The following COL11A1 variants were observed in gnomAD, a reference collection of about 807,000 sequenced individuals.
The protein encoded by COL11A1 is collagen alpha-1(XI) chain.
Under a neutral mutation model 265.2 loss-of-function variants are expected in COL11A1, and 74 were observed. That is an observed-to-expected ratio of 0.28 (90% CI 0.23 to 0.34). The LOEUF is 0.34. COL11A1 is among the 10% of genes least tolerant of loss of function. COL11A1 has a pLI of 1.00. For synonymous variants in COL11A1, 816 were observed against 727.6 expected (o/e 1.12, Z -1.96); for missense variants, 2,165 against 2,263.6 (o/e 0.96, Z 0.88).
At position 103,026,246 on chromosome 1, in the gene COL11A1, A is replaced by T; in HGVS notation, c.867T>A (p.Thr289=). 1 of 1,613,550 alleles carries T rather than the reference A, an allele frequency of 6.2e-7. No homozygotes were observed. Among genetic ancestry groups the T allele is most frequent in the South Asian group, 1.1e-5 (1 of 91,080 alleles). Residue 289 remains threonine, a synonymous_variant, in exon 6 of 67, where the codon ACT becomes ACA. Coordinates refer to ENST00000370096, the MANE Select transcript of COL11A1 (RefSeq NM_001854.4). ...TCTGTGCTATTGTCTCCTCAGTTAC[A>T]GTGGGTCCCTCTGTTACACTTTCAG... is the stretch of plus-strand genomic sequence containing the variant. ...KEAESVTEGP[T]VTEETIAQTE...
intron 41 of COL11A1, among the ~76,000 whole-genome samples, chr1:102,950,088 G>T (rs1659727655): frequency 6.6e-6 from 1 of 152,052 alleles, no homozygotes; most frequent in South Asian, 2.1e-4. Flanking sequence ...TTGAGGCCAG[G>T]AGTTCAAGAC....
chr1:102,990,098 T>C (rs1056455904), intron 28 of COL11A1, among the ~76,000 whole-genome samples: 2 of 152,040 alleles, frequency 1.3e-5, no homozygotes, highest in African/African-American at 2.4e-5. Context: ...GGTGGGAGGA[T>C]TGCTTAAGCC....
chr1:103,084,136 C>A (rs1672667097), intron 1 of COL11A1, among the ~76,000 whole-genome samples: 1 of 152,072 alleles, frequency 6.6e-6, no homozygotes, highest in Non-Finnish European at 1.5e-5. Flanking sequence ...TTTAAGTGTA[C>A]AATTCAGTAG....
At chr1:102,907,873 T>C (rs1370460364) in intron 54 of COL11A1, among the ~76,000 whole-genome samples, 2 of 152,046 alleles carry the variant, frequency 1.3e-5, no homozygotes, top group Non-Finnish European at 2.9e-5. Context: ...CATTATTCCT[T>C]GAGTCTTTTG....
intron 57 of COL11A1, among the ~76,000 whole-genome samples, chr1:102,893,548 C>T (rs559873262): frequency 1.2e-3 from 177 of 152,042 alleles, no homozygotes; most frequent in Middle Eastern, 3.4e-3. Context: ...TTTTCTCTTT[C>T]GGATATTGTA....
intron 5 of COL11A1, among the ~76,000 whole-genome samples, chr1:103,028,218 G>A (rs564944004): frequency 5.9e-5 from 9 of 152,138 alleles, no homozygotes; most frequent in African/African-American, 2.2e-4. Flanking sequence ...ATTTTTAGTA[G>A]AGAGAGGGTT....
intron 4 of COL11A1, among the ~76,000 whole-genome samples, chr1:103,049,249 T>G (rs1669578416): frequency 6.6e-6 from 1 of 152,194 alleles, no homozygotes; most frequent in Admixed American, 6.5e-5. Context: ...TCTTTGTAGG[T>G]CACTAAGGAC....
chr1:102,904,013 CA>C, intron 54 of COL11A1, among the ~76,000 whole-genome samples: 1 of 152,134 alleles, frequency 6.6e-6, no homozygotes, highest in African/African-American at 2.4e-5. Flanking sequence ...AGGCTCATGT[CA>C]TCATACCTGA....
chr1:103,004,778 T>A, intron 18 of COL11A1, 117 bp from the exon 19 acceptor site: 1 of 828,206 alleles, frequency 1.2e-6, no homozygotes, highest in Non-Finnish European at 1.9e-6. Context: ...AATATATGCT[T>A]TATTTACCCT....
intron 63 of COL11A1, among the ~76,000 whole-genome samples, chr1:102,885,802 A>C (rs1932332): frequency 6.6e-6 from 1 of 152,134 alleles, no homozygotes; most frequent in African/African-American, 2.4e-5. Flanking sequence ...TAAATCACTA[A>C]ACTAAATGTA....
intron 25 of COL11A1, 128 bp downstream of exon 25, chr1:102,998,182 T>A (rs755761483): frequency 3.8e-6 from 3 of 792,432 alleles, no homozygotes; most frequent in Admixed American, 2.0e-5. Flanking sequence ...TTTAGAGAGA[T>A]CAATGTTTAA....
chr1:102,968,598 G>C (rs938237866), intron 37 of COL11A1, among the ~76,000 whole-genome samples: 1 of 152,154 alleles, frequency 6.6e-6, no homozygotes, highest in South Asian at 2.1e-4. Flanking sequence ...GCCCACTCTA[G>C]ATTGTGACTC....
Position 103,006,079 on chromosome 1 carries a change from G to A in COL11A1, c.1780C>T (p.Pro594Ser). ...TGTGAGCTCCTGACCTTTGCCCCAG[G>A]TTCTCCTGGCATTCCTCTTCCTCCA... ...ADGGRGMPGE[P>S]GAKGDRGFDG... is the part of the protein sequence containing the mutation. The change falls in exon 17 of 67, where the codon CCT (proline) becomes TCT (serine). Residue 594 changes from proline to serine, a missense_variant. Physicochemically the swap from Pro to Ser is moderately conservative, Grantham distance 74. Coordinates refer to ENST00000370096, the MANE Select transcript of COL11A1 (RefSeq NM_001854.4). 1.2e-6 allele frequency: 2 copies of A among 1,613,928 alleles called. No individual in the cohort carries two copies. Among genetic ancestry groups the A allele is most frequent in the Non-Finnish European group, 8.5e-7 (1 of 1,179,976 alleles).
chr1:102,921,495 A>G, intron 48 of COL11A1, 23 bp downstream of exon 48: 1 of 1,581,292 alleles, frequency 6.3e-7, no homozygotes, highest in East Asian at 2.2e-5. Flanking sequence ...CAAAATAATT[A>G]ACATATATTT....
chr1:102,894,616 C>T (rs946253703), intron 57 of COL11A1, among the ~76,000 whole-genome samples: 2 of 151,866 alleles, frequency 1.3e-5, no homozygotes, highest in Non-Finnish European at 2.9e-5. Context: ...TCAACCAATA[C>T]AAAATTCTAA....
intron 6 of COL11A1, 155 bp from the exon 7 acceptor site, chr1:103,025,768 A>C: frequency 1.2e-6 from 2 of 1,610,576 alleles, no homozygotes; most frequent in Non-Finnish European, 1.7e-6. Flanking sequence ...CAGCTTATCT[A>C]GGATAGATCT....
At chr1:103,073,448 C>T (rs1671732962) in intron 4 of COL11A1, among the ~76,000 whole-genome samples, 1 of 151,646 alleles carries the variant, frequency 6.6e-6, no homozygotes, top group Non-Finnish European at 1.5e-5. Flanking sequence ...AATTGTTTAT[C>T]ATAATGTGCA....
At chr1:102,946,233 C>T (rs1215550590) in intron 42 of COL11A1, among the ~76,000 whole-genome samples, 2 of 146,084 alleles carry the variant, frequency 1.4e-5, no homozygotes, top group South Asian at 2.3e-4. Flanking sequence ...TGCTAAATGA[C>T]GAGTTAATGG....
rs1460359108 is a variant in COL11A1 at position 102,978,967 on chromosome 1, C to T, written c.2656-54G>A. ...AACTAATGCCAGACAAATCCAAAGA[C>T]ACTAAATCAATTTTTATTTTTGAAA... is the stretch of plus-strand genomic sequence containing the variant. On this transcript the variant is annotated intron_variant, in intron 33 of 66. Transcript: ENST00000370096. The T allele has an allele frequency of 2.5e-6, 4 of 1,610,720 alleles. No individual in the cohort carries two copies. In the East Asian group the frequency reaches 8.9e-5, roughly 36 times the overall value.
Sources: gnomAD v4.1 joint callset for allele counts (sites outside exome capture counted in the v4.1 genomes callset) on GRCh38, gnomAD v4.1.1 for gene constraint, MANE v1.5 for transcripts, NCBI Gene and HGNC (gene_info 2026-07-23, HGNC 2026-07-21) for gene names.